Variants in WWC2 observed in about 807,000 individuals in gnomAD.
WWC2 encodes WW and C2 domain containing 2.
Under a neutral mutation model 138.5 loss-of-function variants are expected in WWC2, and 101 were observed. The ratio of observed to expected loss-of-function variants is 0.73; its 90% CI spans 0.62 to 0.86. WWC2 has a LOEUF of 0.86. Ranked by LOEUF, WWC2 falls within the 40% of genes least tolerant of loss-of-function variation. WWC2 has a pLI of 0.00. For synonymous variants in WWC2, 558 were observed against 538.4 expected, an observed-to-expected ratio of 1.04 and a Z score of -0.50; for missense variants, 1,420 against 1,419.4, an observed-to-expected ratio of 1.00 and a Z score of -0.01.
intron 1 of WWC2, among the ~76,000 whole-genome samples, chr4:183,162,353 ACT>A (rs1298879744): frequency 2.0e-5 from 3 of 152,170 alleles, no homozygotes; most frequent in African/African-American, 7.2e-5. Context: ...GAATAATTAT[ACT>A]CTGTTCTCAT....
At chr4:183,151,533 C>T (rs1733634657) in intron 1 of WWC2, among the ~76,000 whole-genome samples, 1 of 152,194 alleles carries the variant, frequency 6.6e-6, no homozygotes, top group Non-Finnish European at 1.5e-5. Flanking sequence ...TGCAGAAGCT[C>T]TTTAGTTTAG....
At chr4:183,168,691 A>G (rs1322837508) in intron 1 of WWC2, among the ~76,000 whole-genome samples, 1 of 152,142 alleles carries the variant, frequency 6.6e-6, no homozygotes, top group African/African-American at 2.4e-5. Context: ...CATTATATGC[A>G]CTGGCTGTGG....
intron 1 of WWC2, among the ~76,000 whole-genome samples, chr4:183,192,190 A>G (rs1735010071): frequency 6.6e-6 from 1 of 152,244 alleles, no homozygotes; most frequent in Non-Finnish European, 1.5e-5. Context: ...TTTATTGACT[A>G]CTTATAATGT....
At chr4:183,300,414 G>A (rs886995681) in intron 21 of WWC2, among the ~76,000 whole-genome samples, 1 of 150,994 alleles carries the variant, frequency 6.6e-6, no homozygotes, top group Non-Finnish European at 1.5e-5. Flanking sequence ...CTGCAGAACT[G>A]CTAGATTTTT....
chr4:183,150,898 A>G (rs1733619812), intron 1 of WWC2, among the ~76,000 whole-genome samples: 1 of 152,270 alleles, frequency 6.6e-6, no homozygotes, highest in South Asian at 2.1e-4. Context: ...ATAGTATTCC[A>G]TGGTGTATAT....
At chr4:183,123,402 G>GGGGT (rs1554065768) in intron 1 of WWC2, among the ~76,000 whole-genome samples, 413 of 147,712 alleles carry the variant, frequency 2.8e-3, no homozygotes, top group Middle Eastern at 0.01. Context: ...GCAAGTTTCA[G>GGGGT]GTGTGTGTGT....
chr4:183,224,215 G>T (rs1416646198), intron 4 of WWC2, among the ~76,000 whole-genome samples: 1 of 152,088 alleles, frequency 6.6e-6, no homozygotes, highest in Non-Finnish European at 1.5e-5. Flanking sequence ...ATGAGATCTA[G>T]TTTTTTTGGG....
chr4:183,133,917 G>A (rs566473244), intron 1 of WWC2, among the ~76,000 whole-genome samples: 32 of 152,276 alleles, frequency 2.1e-4, no homozygotes, highest in Non-Finnish European at 4.3e-4. Context: ...TTCTTGACTG[G>A]TTGAACAAGC....
intron 19 of WWC2, among the ~76,000 whole-genome samples, chr4:183,285,348 CCTTT>C (rs1378812016): frequency 1.5e-4 from 23 of 152,240 alleles, no homozygotes; most frequent in Admixed American, 3.9e-4. Context: ...TTCATGCAGA[CCTTT>C]CTTTAAAGAA....
chr4:183,113,649 A>G (rs1351531567), intron 1 of WWC2, among the ~76,000 whole-genome samples: 1 of 152,046 alleles, frequency 6.6e-6, no homozygotes, highest in Non-Finnish European at 1.5e-5. Context: ...CTCCCTCTGC[A>G]GCCTCCCAAA....
intron 4 of WWC2, among the ~76,000 whole-genome samples, chr4:183,216,365 AT>A (rs1295871677): frequency 6.6e-6 from 1 of 152,188 alleles, no homozygotes; most frequent in Non-Finnish European, 1.5e-5. Context: ...CTGGATGACA[AT>A]TTTAGATGTG....
intron 1 of WWC2, among the ~76,000 whole-genome samples, chr4:183,144,992 C>A (rs913147143): frequency 6.6e-6 from 1 of 152,182 alleles, no homozygotes; most frequent in African/African-American, 2.4e-5. Flanking sequence ...GGAGTATAGC[C>A]GTAGGCGAGA....
rs1472994731 is a variant in WWC2 at position 183,113,522 on chromosome 4, G to GCA, written c.131+13901_131+13902insAC. ...TGTGTGTGTGTGTGTGTGTGCGCGC[G>GCA]CGTGCGCGCGCACATGCACGTGCAT... On this transcript the variant is annotated intron_variant, in intron 1 of 22. Transcript: ENST00000403733. Among the ~76,000 whole-genome samples the GCA allele has an allele frequency of 4.3e-3, 637 of 147,508 alleles. 3 individuals are homozygous for GCA. The highest frequency in any genetic ancestry group is 8.0e-3 in the Non-Finnish European group (531 of 66,064).
chr4:183,146,119 G>A (rs1203823750), intron 1 of WWC2, among the ~76,000 whole-genome samples: 1 of 152,164 alleles, frequency 6.6e-6, no homozygotes, highest in African/African-American at 2.4e-5. Flanking sequence ...TCTTTTGGAG[G>A]CAGTTGCAAA....
chr4:183,207,747 A>C lies in WWC2; in HGVS notation c.242-206A>C, dbSNP rs575753869. On this transcript the variant is annotated intron_variant, in intron 2 of 22. Transcript: ENST00000403733. ...TGTGTGTGGTAGATTTATAGTGAGA[A>C]TACACTGTTGATCAGAACCTGGAAG... Among the ~76,000 whole-genome samples the C allele has an allele frequency of 2.5e-4, 38 of 152,290 alleles. No individual in the cohort carries two copies. In the East Asian group the frequency reaches 7.3e-3, roughly 29 times the overall value.
At chr4:183,277,187 G>A (rs1212224230) in intron 16 of WWC2, among the ~76,000 whole-genome samples, 2 of 142,878 alleles carry the variant, frequency 1.4e-5, no homozygotes, top group African/African-American at 2.6e-5. Context: ...GTGTCCGTGT[G>A]ATCTCATTGT....
intron 22 of WWC2, among the ~76,000 whole-genome samples, chr4:183,315,086 G>T (rs1246295610): frequency 1.3e-5 from 2 of 152,220 alleles, no homozygotes; most frequent in African/African-American, 2.4e-5. Flanking sequence ...CGCACTGTTT[G>T]TCTTTTTTTT....
chr4:183,196,912 T>C (rs995060048), intron 2 of WWC2, among the ~76,000 whole-genome samples: 3 of 152,104 alleles, frequency 2.0e-5, no homozygotes, highest in African/African-American at 7.2e-5. Flanking sequence ...ACCAGGTGCA[T>C]AGGGATTTTT....
At chr4:183,263,501 T>C (rs1737401688) in intron 11 of WWC2, among the ~76,000 whole-genome samples, 1 of 152,212 alleles carries the variant, frequency 6.6e-6, no homozygotes, top group South Asian at 2.1e-4. Context: ...TAAATGCATA[T>C]ATTAGAAAAC....
Sources: allele counts gnomAD v4.1 joint callset (sites outside exome capture counted in the v4.1 genomes callset), GRCh38; gene constraint gnomAD v4.1.1; transcripts MANE v1.5; gene names NCBI Gene and HGNC (gene_info 2026-07-23, HGNC 2026-07-21).